The following DNAH2 variants were observed in gnomAD, a reference collection of about 807,000 sequenced individuals.
The protein encoded by DNAH2 is dynein axonemal heavy chain 2.
A neutral mutation model predicts 523.5 loss-of-function variants in DNAH2; 323 were observed. That is an observed-to-expected ratio of 0.62 (90% CI 0.56 to 0.68). DNAH2 has a LOEUF of 0.68. Ranked by LOEUF, DNAH2 falls within the 30% of genes least tolerant of loss-of-function variation. DNAH2 has a pLI of 0.00. For missense variants in DNAH2, 4,907 were observed against 5,701.5 expected (o/e 0.86, Z 4.49); for synonymous variants, 2,093 against 2,177.4 (o/e 0.96, Z 1.08).
At chr17:7,768,945 C>T (rs577004426) in intron 24 of DNAH2, among the ~76,000 whole-genome samples, 2 of 152,284 alleles carry the variant, frequency 1.3e-5, no homozygotes, top group African/African-American at 4.8e-5. Context: ...CTCCATTCAT[C>T]GCTTGATGGA....
chr17:7,748,950 T>C (rs1483915096), intron 12 of DNAH2, among the ~76,000 whole-genome samples: 2 of 152,066 alleles, frequency 1.3e-5, no homozygotes, highest in Non-Finnish European at 2.9e-5. Context: ...CAGGAAGGTA[T>C]TGTCTGAATT....
In DNAH2 at chr17:7,727,153, C is replaced by G. The variant is rs2074840676; in HGVS notation, c.260C>G (p.Thr87Arg). The change falls in exon 4 of 86, where the codon ACA (threonine) becomes AGA (arginine). Residue 87 changes from threonine (T) to arginine (R), a missense_variant. This residue lies in a region of DNAH2 where 2,806 missense variants were observed against 3,190.8 expected (regional missense o/e 0.88). Coordinates refer to ENST00000572933, the MANE Select transcript of DNAH2 (RefSeq NM_020877.5). ...CTCTTCCTTTCCCGAGCTGCGCTGA[C>G]AGGACTGGCGGATGCAGTGTGGACA... is the stretch of plus-strand genomic sequence containing the variant. ...KPLFLSRAAL[T>R]GLADAVWTQE... 20 of 1,590,898 alleles carry G rather than the reference C, an allele frequency of 1.3e-5. No individual in the cohort carries two copies. In the East Asian group the frequency reaches 4.6e-4, roughly 36 times the overall value.
chr17:7,781,922 G>T (rs1597640068), intron 39 of DNAH2, among the ~76,000 whole-genome samples: 2 of 152,304 alleles, frequency 1.3e-5, no homozygotes, highest in South Asian at 4.1e-4. Context: ...TTCTCTGGCA[G>T]TGTGGTAGTC....
chr17:7,812,521 G>T (rs1051028950), intron 63 of DNAH2, among the ~76,000 whole-genome samples: 17 of 152,008 alleles, frequency 1.1e-4, no homozygotes, highest in Non-Finnish European at 2.4e-4. Flanking sequence ...GGAAGGCTGA[G>T]GTGGGAGGAT....
At chr17:7,810,291 G>C in intron 63 of DNAH2, among the ~76,000 whole-genome samples, 1 of 151,668 alleles carries the variant, frequency 6.6e-6, no homozygotes, top group South Asian at 2.1e-4. Context: ...TCTTGAACTC[G>C]TGGGCTCAAG....
At chr17:7,770,479 T>C in intron 25 of DNAH2, 71 bp downstream of exon 25, 2 of 1,613,498 alleles carry the variant, frequency 1.2e-6, no homozygotes, top group Non-Finnish European at 1.7e-6. Context: ...CTGTTCATCA[T>C]CTGATGGCGC....
chr17:7,755,671 G>GAAAACGTCTCACACGGTTTCTCAGA (rs1398511108), intron 12 of DNAH2, among the ~76,000 whole-genome samples: 4 of 152,238 alleles, frequency 2.6e-5, no homozygotes, highest in South Asian at 2.1e-4. Flanking sequence ...CAGACGTGGA[G>GAAAACGTCTCACACGGTTTCTCAGA]CGGTTGTGAA....
At position 7,819,297 on chromosome 17, in the gene DNAH2, T is replaced by G; in HGVS notation, c.10904T>G (p.Leu3635Arg). ...GCIDPMYQFS[L>R]DAYISLFILS... is the part of the protein sequence containing the mutation. ...ATCGACCCCATGTACCAGTTCTCACTGGATGCCTACATCAGCCTCTTTATT... is the reference window on the plus strand; with the variant it reads ...ATCGACCCCATGTACCAGTTCTCACGGGATGCCTACATCAGCCTCTTTATT... The change falls in exon 72 of 86, where the codon CTG becomes CGG. Residue 3635 changes from leucine (L) to arginine (R), a missense_variant. This residue lies in a region of DNAH2 where 1,851 missense variants were observed against 2,139.4 expected (regional missense o/e 0.87). Transcript: ENST00000572933. 1.2e-6 allele frequency: 2 copies of G among 1,614,238 alleles called. No homozygotes were observed. The highest frequency in any genetic ancestry group is 2.2e-5 in the South Asian group (2 of 91,090).
At chr17:7,733,927 G>A (rs150005349) in intron 5 of DNAH2, among the ~76,000 whole-genome samples, 18 of 152,312 alleles carry the variant, frequency 1.2e-4, no homozygotes, top group African/African-American at 2.2e-4. Flanking sequence ...CACATGTCTC[G>A]TGGTAGAGAG....
At chr17:7,749,784 C>T (rs1259890738) in intron 12 of DNAH2, among the ~76,000 whole-genome samples, 6 of 152,140 alleles carry the variant, frequency 3.9e-5, no homozygotes, top group Admixed American at 1.3e-4. Flanking sequence ...ATCACGAGGT[C>T]AGGAGTTCGA....
At position 7,817,862 on chromosome 17, in the gene DNAH2, A is replaced by G. The variant is rs775213255; in HGVS notation, c.10236+6A>G. 1 of 1,612,538 alleles carries G rather than the reference A, an allele frequency of 6.2e-7. No individual in the cohort carries two copies. The highest frequency in any genetic ancestry group is 1.1e-5 in the South Asian group (1 of 90,808). On this transcript the variant is annotated splice_donor_region_variant and intron_variant, in intron 67 of 85. Coordinates refer to ENST00000572933, the MANE Select transcript of DNAH2 (RefSeq NM_020877.5). ...AGAACATGGAAGGAGGCCAGGTGTG[A>G]GGCTGGGGGGTCAGGTTAGCCCCCC... is the stretch of plus-strand genomic sequence containing the variant.
Position 7,804,194 on chromosome 17 carries a change from A to G in DNAH2, c.8973-62A>G, listed in dbSNP as rs1008278283. 1.2e-5 allele frequency: 19 copies of G among 1,564,276 alleles called. No homozygotes were observed. The African/African-American group carries it at 2.3e-4, about 19-fold the overall frequency. On this transcript the variant is annotated intron_variant, in intron 58 of 85. Transcript: ENST00000572933. ...GAGACACACGGGGAAGGTGGACCTT[A>G]CAGGACACCGCGCTTTCCGGAAGCC...
chr17:7,764,465 CTT>C (rs36076472), intron 20 of DNAH2, among the ~76,000 whole-genome samples, 192 bp downstream of exon 20: 170 of 143,872 alleles, frequency 1.2e-3, no homozygotes, highest in African/African-American at 3.9e-3. Context: ...TCTTCTTCCT[CTT>C]TTTTTTTTTT....
chr17:7,801,119 T>C (rs1169182007), intron 56 of DNAH2, among the ~76,000 whole-genome samples: 1 of 151,956 alleles, frequency 6.6e-6, no homozygotes, highest in Admixed American at 6.6e-5. Context: ...GGAAGCCACC[T>C]GCCTTGGCCT....
At chr17:7,812,678 T>C (rs1223554258) in intron 63 of DNAH2, among the ~76,000 whole-genome samples, 1 of 146,240 alleles carries the variant, frequency 6.8e-6, no homozygotes, top group Non-Finnish European at 1.5e-5. Flanking sequence ...CCCAGCACTC[T>C]GGGAGGCCGA....
rs374205988 is a variant in DNAH2, at chr17:7,778,385, C to A, written c.5457C>A (p.Ala1819=). ...KTETVKDLGK[A]LGIYVIVVNC... ...AGACCGTCAAGGACCTGGGCAAGGCCCTGGGCATATATGTCATTGTGGTCA... is the reference window on the plus strand; with the variant it reads ...AGACCGTCAAGGACCTGGGCAAGGCACTGGGCATATATGTCATTGTGGTCA... The change falls in exon 35 of 86, where the codon GCC becomes GCA. Residue 1819 remains alanine, a synonymous_variant. Transcript: ENST00000572933. The A allele has an allele frequency of 1.1e-4, 181 of 1,614,086 alleles. No homozygotes were observed. Among genetic ancestry groups the A allele is most frequent in the Non-Finnish European group, 1.5e-4 (174 of 1,180,044 alleles).
Position 7,798,378 on chromosome 17 carries a change from T to C in DNAH2, c.8398+54T>C. ...ATAAAAGATCAGATGCATACATTCC[T>C]GCAGTGACAAGAGAGGAGAGATGGC... On this transcript the variant is annotated intron_variant, in intron 54 of 85. Transcript: ENST00000572933. This position sits in a 1 kb window ranked among gnomAD's most constrained non-coding sequence, Gnocchi z 5.5. 2 of 1,566,886 alleles carry C rather than the reference T, an allele frequency of 1.3e-6. No individual in the cohort carries two copies. Among genetic ancestry groups the C allele is most frequent in the Admixed American group, 1.7e-5 (1 of 57,180 alleles).
rs761844664 is a variant in DNAH2, at chr17:7,833,035, C to T, written c.12979-36C>T. On this transcript the variant is annotated intron_variant, in intron 84 of 85. Coordinates refer to ENST00000572933, the MANE Select transcript of DNAH2 (RefSeq NM_020877.5). The stretch of plus-strand genomic sequence containing the variant: ...GGTCAGGGGCGCTGGCAATTGAAGT[C>T]TAGCTTCTCCCAGACCTGCTCCCAT... The T allele has an allele frequency of 8.1e-6, 13 of 1,612,908 alleles. No individual in the cohort carries two copies. The East Asian group carries it at 2.0e-4, about 25-fold the overall frequency.
intron 61 of DNAH2, among the ~76,000 whole-genome samples, chr17:7,806,439 C>T (rs549673535): frequency 2.6e-5 from 4 of 151,990 alleles, no homozygotes; most frequent in Non-Finnish European, 4.4e-5. Context: ...AGGTGGATCA[C>T]GAGGTCAGGA....
Sources: gnomAD v4.1 joint callset for allele counts (sites outside exome capture counted in the v4.1 genomes callset) on GRCh38, gnomAD v4.1.1 for gene constraint, gnomAD v4.1.1 regional missense constraint, Gnocchi (gnomAD v3.1) non-coding constraint, MANE v1.5 for transcripts, NCBI Gene and HGNC (gene_info 2026-07-23, HGNC 2026-07-21) for gene names.